GFRA1: variants seen among roughly 807,000 people sequenced by gnomAD.
GFRA1 encodes the protein GDNF family receptor alpha-1.
In GFRA1, 16 loss-of-function variants were observed where a neutral mutation model predicts 51.6. The ratio of observed to expected loss-of-function variants is 0.31; its 90% CI spans 0.21 to 0.47. The LOEUF (loss-of-function observed/expected upper bound fraction) is 0.47. Ranked by LOEUF, GFRA1 falls within the 20% of genes least tolerant of loss-of-function variation. The probability of loss-of-function intolerance (pLI) is 1.00; values close to 1 mark genes in which losing one functional copy is unlikely to be tolerated. For missense variants in GFRA1, 530 were observed against 594.3 expected (o/e 0.89, Z 1.13); for synonymous variants, 270 against 241.3 (o/e 1.12, Z -1.10).
rs187986500 is a variant in GFRA1, at chr10:116,085,624, G to C, written c.1197+4117C>G. 1.4e-3 allele frequency among the ~76,000 whole-genome samples: 219 copies of C among 152,272 alleles called. 1 individual carries two copies. Among genetic ancestry groups the C allele is most frequent in the Middle Eastern group, 0.014 (4 of 294 alleles). On this transcript the variant is annotated intron_variant, in intron 9 of 10. Transcript: ENST00000355422. ...TCCTGGGAGCCCTCCGCCCAGGCAA[G>C]AATCCTAAATCAGCTGGAGGGACCA...
At chr10:116,092,648 G>C (rs938186137) in intron 8 of GFRA1, among the ~76,000 whole-genome samples, 1 of 152,096 alleles carries the variant, frequency 6.6e-6, no homozygotes, top group Non-Finnish European at 1.5e-5. Flanking sequence ...TAGGACACAG[G>C]GGGCCGCAAA....
intron 5 of GFRA1, among the ~76,000 whole-genome samples, chr10:116,135,949 C>T (rs1054367443): frequency 6.6e-6 from 1 of 152,162 alleles, no homozygotes; most frequent in African/African-American, 2.4e-5. Flanking sequence ...GCATCTTCAA[C>T]CATGAAATTT....
chr10:116,226,742 T>C (rs1459321787), intron 4 of GFRA1: 1 of 402,500 alleles, frequency 2.5e-6, no homozygotes. Flanking sequence ...CTCACCATAA[T>C]GTATTATAGA....
At chr10:116,108,309 T>G (rs1020400411) in intron 6 of GFRA1, among the ~76,000 whole-genome samples, 8 of 152,200 alleles carry the variant, frequency 5.3e-5, no homozygotes, top group Non-Finnish European at 1.0e-4. Context: ...CCTTCTTAGA[T>G]AGGGCATTGA....
At chr10:116,260,213 T>A (rs1021856926) in intron 4 of GFRA1, among the ~76,000 whole-genome samples, 1 of 152,250 alleles carries the variant, frequency 6.6e-6, no homozygotes, top group Non-Finnish European at 1.5e-5. Context: ...TTGCTTGTTC[T>A]CTTGCCTTTC....
intron 4 of GFRA1, among the ~76,000 whole-genome samples, chr10:116,247,530 G>A (rs945114450): frequency 6.6e-6 from 1 of 152,122 alleles, no homozygotes; most frequent in Non-Finnish European, 1.5e-5. Flanking sequence ...GCCCCTGGCT[G>A]GCTCTCCCAG....
intron 4 of GFRA1, among the ~76,000 whole-genome samples, chr10:116,267,211 TC>T (rs1158041946): frequency 6.6e-6 from 1 of 152,074 alleles, no homozygotes; most frequent in African/African-American, 2.4e-5. Context: ...ACACCTGTAA[TC>T]CCAGCAGTTT....
chr10:116,112,337 C>A (rs1314566815), intron 6 of GFRA1, among the ~76,000 whole-genome samples: 1 of 152,182 alleles, frequency 6.6e-6, no homozygotes, highest in African/African-American at 2.4e-5. Flanking sequence ...GGACCTGAAA[C>A]TTCCAGCTTG....
intron 5 of GFRA1, among the ~76,000 whole-genome samples, chr10:116,181,611 C>G (rs932061844): frequency 1.3e-5 from 2 of 149,054 alleles, no homozygotes; most frequent in Non-Finnish European, 3.0e-5. Context: ...TAGCTATATA[C>G]ACAAAAATAT....
At chr10:116,235,708 T>C (rs1175750264) in intron 4 of GFRA1, among the ~76,000 whole-genome samples, 1 of 152,140 alleles carries the variant, frequency 6.6e-6, no homozygotes, top group Non-Finnish European at 1.5e-5. Context: ...TGATGGTATT[T>C]GGAAGTGGAG....
At chr10:116,244,017 T>C (rs992441313) in intron 4 of GFRA1, among the ~76,000 whole-genome samples, 1 of 152,082 alleles carries the variant, frequency 6.6e-6, no homozygotes, top group Admixed American at 6.6e-5. Flanking sequence ...AAAATATAGA[T>C]GACTGCATAA....
chr10:116,109,172 G>A (rs976059639), intron 6 of GFRA1, among the ~76,000 whole-genome samples: 2 of 152,252 alleles, frequency 1.3e-5, no homozygotes, highest in Non-Finnish European at 1.5e-5. Flanking sequence ...AGAGGTCCAC[G>A]ACCAGCCCAA....
chr10:116,205,946 A>G (rs1565650566), intron 5 of GFRA1, among the ~76,000 whole-genome samples: 1 of 151,592 alleles, frequency 6.6e-6, no homozygotes, highest in Non-Finnish European at 1.5e-5. Flanking sequence ...ACACACACAC[A>G]CACACACACA....
intron 4 of GFRA1, among the ~76,000 whole-genome samples, chr10:116,254,319 CAAAA>C (rs67848241): frequency 5.6e-5 from 6 of 106,794 alleles, no homozygotes; most frequent in African/African-American, 1.9e-4. Flanking sequence ...GAGCCTCTGT[CAAAA>C]AAAAAAAAAA....
At chr10:116,132,484 T>C (rs1368795076) in intron 5 of GFRA1, among the ~76,000 whole-genome samples, 2 of 152,114 alleles carry the variant, frequency 1.3e-5, no homozygotes, top group South Asian at 2.1e-4. Flanking sequence ...AAAAAATAAA[T>C]TCATGCCTAC....
chr10:116,126,968 T>C (rs568045402), intron 5 of GFRA1, among the ~76,000 whole-genome samples: 1 of 152,174 alleles, frequency 6.6e-6, no homozygotes, highest in Non-Finnish European at 1.5e-5. Context: ...TCGAGGACAT[T>C]ATGCTACGTG....
At chr10:116,141,175 G>A (rs951982325) in intron 5 of GFRA1, among the ~76,000 whole-genome samples, 1 of 152,198 alleles carries the variant, frequency 6.6e-6, no homozygotes, top group Non-Finnish European at 1.5e-5. Flanking sequence ...TCAGTAAATG[G>A]CTTGTGCTGG....
At chr10:116,211,593 C>G (rs763061378) in intron 5 of GFRA1, 38 bp downstream of exon 5, 1 of 1,536,380 alleles carries the variant, frequency 6.5e-7, no homozygotes, top group Non-Finnish European at 8.8e-7. Flanking sequence ...CCAAAGAGCA[C>G]AGCCAGTGAA....
chr10:116,202,447 G>C (rs921615522), intron 5 of GFRA1, among the ~76,000 whole-genome samples: 2 of 152,154 alleles, frequency 1.3e-5, no homozygotes, highest in Admixed American at 1.3e-4. Context: ...GTGGAAATGA[G>C]AGTCTGCCTC....
Sources: gnomAD v4.1 joint callset for allele counts (sites outside exome capture counted in the v4.1 genomes callset) on GRCh38, gnomAD v4.1.1 for gene constraint, MANE v1.5 for transcripts, NCBI Gene and HGNC (gene_info 2026-07-23, HGNC 2026-07-21) for gene names.